PRICKLE1: variants seen among roughly 807,000 people sequenced by gnomAD.
PRICKLE1 encodes the protein prickle planar cell polarity protein 1.
Under a neutral mutation model 70.2 loss-of-function variants are expected in PRICKLE1, and 14 were observed. The observed-to-expected ratio is 0.20, with a 90% CI of 0.13 to 0.31. The LOEUF (loss-of-function observed/expected upper bound fraction) is 0.31, where lower values mean the gene tolerates loss of function less well. PRICKLE1 is among the 10% of genes least tolerant of loss of function. The pLI is 1.00. For synonymous variants in PRICKLE1, 357 were observed against 379.9 expected (o/e 0.94, Z 0.70); for missense variants, 821 against 1,026.2 (o/e 0.80, Z 2.73).
chr12:42,495,930 G>A (rs1025415251), intron 1 of PRICKLE1, among the ~76,000 whole-genome samples: 1 of 152,148 alleles, frequency 6.6e-6, no homozygotes, highest in Non-Finnish European at 1.5e-5. Flanking sequence ...CTTCCATGAG[G>A]GTTGAAATAA....
At chr12:42,487,677 T>C (rs1462588029) in intron 1 of PRICKLE1, among the ~76,000 whole-genome samples, 1 of 152,202 alleles carries the variant, frequency 6.6e-6, no homozygotes, top group Admixed American at 6.5e-5. Context: ...TTTTCATCTC[T>C]AAAAATGCTG....
intron 6 of PRICKLE1, 60 bp downstream of exon 6, chr12:42,466,134 G>C: frequency 6.4e-7 from 1 of 1,560,430 alleles, no homozygotes; most frequent in Non-Finnish European, 8.8e-7. Context: ...AATAAGACTG[G>C]ATAATCCAAG....
intron 1 of PRICKLE1, among the ~76,000 whole-genome samples, chr12:42,588,187 C>A (rs1941014063): frequency 6.6e-6 from 1 of 151,812 alleles, no homozygotes; most frequent in South Asian, 2.1e-4. Context: ...ACATTAGCAA[C>A]CCTCACCAGT....
At chr12:42,491,924 C>T (rs576599949) in intron 1 of PRICKLE1, among the ~76,000 whole-genome samples, 1 of 151,862 alleles carries the variant, frequency 6.6e-6, no homozygotes, top group East Asian at 1.9e-4. Context: ...GCTGGGACTA[C>T]ATGTGCCCGC....
intron 1 of PRICKLE1, among the ~76,000 whole-genome samples, chr12:42,560,152 T>A (rs989365080): frequency 1.5e-4 from 19 of 126,040 alleles, no homozygotes; most frequent in Non-Finnish European, 3.0e-4. Flanking sequence ...TATTATTATT[T>A]TTGAGGCAGA....
At chr12:42,547,998 C>T (rs1334665710) in intron 1 of PRICKLE1, among the ~76,000 whole-genome samples, 1 of 152,122 alleles carries the variant, frequency 6.6e-6, no homozygotes, top group Non-Finnish European at 1.5e-5. Flanking sequence ...TAATTTTCTA[C>T]AATATTTTAA....
chr12:42,464,806 C>A lies in PRICKLE1; in HGVS notation c.1228G>T (p.Asp410Tyr). 1 of 1,614,026 alleles carries A rather than the reference C, an allele frequency of 6.2e-7. No homozygotes were observed. The highest frequency in any genetic ancestry group is 8.5e-7 in the Non-Finnish European group (1 of 1,180,020). The stretch of plus-strand genomic sequence containing the variant: ...AGCTGCGTCATATAATCTTCATGAT[C>A]AGCCCATTCTTCAGGGTCTTCTGGA... Reference protein sequence around the residue: ...ETPEDPEEWADHEDYMTQLLL... With the variant: ...ETPEDPEEWAYHEDYMTQLLL... Residue 410 changes from aspartate (D) to tyrosine (Y), a missense_variant, in exon 7 of 8, where the codon GAT (aspartate) becomes TAT (tyrosine). Physicochemically the swap from Asp to Tyr is radical, Grantham distance 160. Transcript: ENST00000345127. The surrounding 1 kb of genome is among the most constrained non-coding windows in gnomAD (Gnocchi z 4.2).
chr12:42,520,621 T>TCAAATACAC (rs1939693342), intron 1 of PRICKLE1, among the ~76,000 whole-genome samples: 1 of 152,224 alleles, frequency 6.6e-6, no homozygotes. Flanking sequence ...GAGGCTTCAC[T>TCAAATACAC]TTATGTGTTA....
chr12:42,477,336 C>T (rs1236597763), intron 1 of PRICKLE1, among the ~76,000 whole-genome samples: 2 of 151,600 alleles, frequency 1.3e-5, no homozygotes, highest in African/African-American at 4.8e-5. Flanking sequence ...CACACCATTG[C>T]ACTCTAGCCT....
At chr12:42,523,289 T>C (rs1210512832) in intron 1 of PRICKLE1, among the ~76,000 whole-genome samples, 2 of 152,230 alleles carry the variant, frequency 1.3e-5, no homozygotes, top group Admixed American at 6.5e-5. Context: ...CTTAATCTCC[T>C]TTAAACTTGG....
chr12:42,496,621 C>T (rs2140176546), intron 1 of PRICKLE1, among the ~76,000 whole-genome samples: 1 of 152,368 alleles, frequency 6.6e-6, no homozygotes, highest in South Asian at 2.1e-4. Context: ...CCACCTTCAT[C>T]AGTGATCTTA....
intron 1 of PRICKLE1, among the ~76,000 whole-genome samples, chr12:42,558,309 C>T (rs899235465): frequency 6.6e-6 from 1 of 152,228 alleles, no homozygotes; most frequent in Non-Finnish European, 1.5e-5. Flanking sequence ...TAATAAACCT[C>T]CTCTTTGTCC....
At chr12:42,562,036 C>G (rs1245766596) in intron 1 of PRICKLE1, among the ~76,000 whole-genome samples, 2 of 151,578 alleles carry the variant, frequency 1.3e-5, no homozygotes, top group African/African-American at 4.9e-5. Flanking sequence ...CTCAGCTCCC[C>G]GAGTAGCTGG....
At chr12:42,579,338 T>C (rs1265643742) in intron 1 of PRICKLE1, among the ~76,000 whole-genome samples, 2 of 152,212 alleles carry the variant, frequency 1.3e-5, no homozygotes, top group Admixed American at 6.5e-5. Flanking sequence ...ATGTCTTTTT[T>C]TTAACATTCG....
chr12:42,489,223 G>GTATC (rs913222572), intron 1 of PRICKLE1, among the ~76,000 whole-genome samples: 4 of 151,426 alleles, frequency 2.6e-5, no homozygotes, highest in African/African-American at 9.7e-5. Flanking sequence ...ACGCCTGGCT[G>GTATC]TATCTATCTA....
intron 1 of PRICKLE1, among the ~76,000 whole-genome samples, chr12:42,536,139 G>C (rs1456993763): frequency 6.6e-6 from 1 of 152,224 alleles, no homozygotes; most frequent in East Asian, 1.9e-4. Context: ...AAAAGATAAA[G>C]AGAATGGAAA....
At chr12:42,542,715 T>G (rs1435885178) in intron 1 of PRICKLE1, among the ~76,000 whole-genome samples, 1 of 152,246 alleles carries the variant, frequency 6.6e-6, no homozygotes, top group African/African-American at 2.4e-5. Context: ...AGAAGCTATT[T>G]CTTTCTCCTA....
At chr12:42,499,431 T>TA (rs1939267041) in intron 1 of PRICKLE1, among the ~76,000 whole-genome samples, 1 of 151,950 alleles carries the variant, frequency 6.6e-6, no homozygotes, top group Non-Finnish European at 1.5e-5. Context: ...TCTAGAATTT[T>TA]TTTTTTTTTT....
At chr12:42,571,600 C>A (rs1940714106) in intron 1 of PRICKLE1, among the ~76,000 whole-genome samples, 1 of 152,184 alleles carries the variant, frequency 6.6e-6, no homozygotes, top group Admixed American at 6.5e-5. Flanking sequence ...ACTTTTCAGA[C>A]CCACCTGATG....
Sources: allele counts gnomAD v4.1 joint callset (sites outside exome capture counted in the v4.1 genomes callset), GRCh38; gene constraint gnomAD v4.1.1; non-coding constraint Gnocchi (gnomAD v3.1); transcripts MANE v1.5; gene names NCBI Gene and HGNC (gene_info 2026-07-23, HGNC 2026-07-21).